The following MAGOHB variants were observed in gnomAD, a reference collection of about 807,000 sequenced individuals.
The protein encoded by MAGOHB is mago homolog B, exon junction complex subunit.
MAGOHB carries 15 observed loss-of-function variants against 20.9 expected under a neutral mutation model. That is an observed-to-expected ratio of 0.72 (90% CI 0.48 to 1.11). The LOEUF (loss-of-function observed/expected upper bound fraction) is 1.11, where lower values mean the gene tolerates loss of function less well. Among genes scored for constraint, MAGOHB ranks in the 50% least tolerant of loss-of-function variants. The pLI is 0.00. For missense variants in MAGOHB, 162 were observed against 177.6 expected, an observed-to-expected ratio of 0.91 and a Z score of 0.50; for synonymous variants, 50 against 57.9, an observed-to-expected ratio of 0.86 and a Z score of 0.62.
At position 10,605,008 on chromosome 12, in the gene MAGOHB, A is replaced by T. The variant is rs1324128263; in HGVS notation, c.*1267T>A. 6.6e-6 allele frequency: 1 copy of T among 152,362 alleles called. No homozygotes were observed. The highest frequency in any genetic ancestry group is 1.5e-5 in the Non-Finnish European group (1 of 68,030). 9.4% of individuals were successfully genotyped at this position (152,362 alleles called of 1,614,324 possible). ...TACACCAGTTAAGTGAAAAACCAAGATTTATTATAATAGAGATATTACAGT... is the reference window on the plus strand; with the variant it reads ...TACACCAGTTAAGTGAAAAACCAAGTTTTATTATAATAGAGATATTACAGT... On this transcript the variant is annotated 3_prime_UTR_variant, in exon 5 of 5. Coordinates refer to ENST00000320756, the MANE Select transcript of MAGOHB (RefSeq NM_018048.5).
At chr12:10,603,981 T>C (rs1254896463), downstream of MAGOHB, among the ~76,000 whole-genome samples, 1 of 152,130 alleles carries the variant, frequency 6.6e-6, no homozygotes, top group Non-Finnish European at 1.5e-5. Context: ...ACATTAAAAA[T>C]ATCCATACAA....
chr12:10,613,496 C>A lies in MAGOHB; in HGVS notation c.37G>T (p.Val13Leu). The A allele has an allele frequency of 6.2e-7, 1 of 1,614,144 alleles. No individual in the cohort carries two copies. Among genetic ancestry groups the A allele is most frequent in the Non-Finnish European group, 8.5e-7 (1 of 1,180,026 alleles). ...TGCCCAAACTTGCCCTTGTGCCCTA[C>A]GTAGTAGCGCAGGTAGAAATCGCTA... ...VASDFYLRYY[V>L]GHKGKFGHEF... Residue 13 changes from valine (V) to leucine (L), a missense_variant, in exon 1 of 5, where the codon GTA (valine) becomes TTA (leucine). Physicochemically the swap from Val to Leu is conservative, Grantham distance 32. Transcript: ENST00000320756.
intron 3 of MAGOHB, chr12:10,609,390 G>C (rs770654906): frequency 1.1e-5 from 5 of 445,106 alleles, no homozygotes; most frequent in South Asian, 8.0e-5. Flanking sequence ...TATTCTGAAG[G>C]AATATGAGAG....
rs1565551685 is a variant in MAGOHB at position 10,609,933 on chromosome 12, C to T, written c.162G>A (p.Val54=). 2.5e-6 allele frequency: 4 copies of T among 1,582,136 alleles called. No individual in the cohort carries two copies. The highest frequency in any genetic ancestry group is 2.6e-6 in the Non-Finnish European group (3 of 1,159,016). The change falls in exon 3 of 5, where the codon GTG becomes GTA. Residue 54 remains valine (V), a synonymous_variant. Coordinates refer to ENST00000320756, the MANE Select transcript of MAGOHB (RefSeq NM_018048.5). ...TCAGTTCTTCCATTACACTCTTGTGCACATAAGCCTAAAAATTAATCATAA... is the reference window on the plus strand; with the variant it reads ...TCAGTTCTTCCATTACACTCTTGTGTACATAAGCCTAAAAATTAATCATAA... ...NDVMIRKEAY[V]HKSVMEELKR... is the part of the protein sequence containing the mutation.
In MAGOHB at chr12:10,612,570, T is replaced by G. The variant is rs73261989; in HGVS notation, c.94+869A>C. The G allele has an allele frequency of 4.1e-3, 2,858 of 689,436 alleles. 76 individuals are homozygous for G. The African/African-American group carries it at 0.052, about 12-fold the overall frequency. The allele number at this position is 689,436 out of a possible 1,614,324, so 42.7% of individuals were successfully genotyped here. On this transcript the variant is annotated intron_variant, in intron 1 of 4. Transcript: ENST00000320756. ...AGGACTTAATATGCATACTGCTTTA[T>G]AGTTAAATGTCTGTGCCTCCCACCA...
intron 1 of MAGOHB, among the ~76,000 whole-genome samples, chr12:10,613,226 T>C (rs1469617173): frequency 6.6e-6 from 1 of 152,226 alleles, no homozygotes. Context: ...CTGATTACTG[T>C]AGGTTCAACT....
chr12:10,611,131 G>T (rs1865726790), intron 1 of MAGOHB, among the ~76,000 whole-genome samples: 1 of 152,062 alleles, frequency 6.6e-6, no homozygotes, highest in African/African-American at 2.4e-5. Context: ...CTTAACCAGG[G>T]TCACACAAGA....
chr12:10,603,336 A>G (rs1199647999), downstream of MAGOHB, among the ~76,000 whole-genome samples: 1 of 139,716 alleles, frequency 7.2e-6, no homozygotes, highest in Non-Finnish European at 1.6e-5. Flanking sequence ...AAAAAAAAAA[A>G]TCTCTAGCTT....
Position 10,604,351 on chromosome 12 carries a change from G to C in MAGOHB, c.*1924C>G, listed in dbSNP as rs1015790147. ...ACAATCAAATAAAAGACAGATCAAAGTATAAGAAAATTGTAGACGGTAATA... is the reference window on the plus strand; with the variant it reads ...ACAATCAAATAAAAGACAGATCAAACTATAAGAAAATTGTAGACGGTAATA... On this transcript the variant is annotated 3_prime_UTR_variant, in exon 5 of 5. Transcript: ENST00000320756. The C allele has an allele frequency of 6.6e-6, 1 of 152,184 alleles. No homozygotes were observed. The highest frequency in any genetic ancestry group is 2.4e-5 in the African/African-American group (1 of 41,444). 9.4% of individuals were successfully genotyped at this position (152,184 alleles called of 1,614,324 possible).
chr12:10,600,006 A>G (rs192167021), downstream of MAGOHB, among the ~76,000 whole-genome samples: 3,598 of 152,096 alleles, frequency 0.024, 128 homozygotes, highest in African/African-American at 0.082. Context: ...CTTAGTTTAA[A>G]TAACAGTCTC....
At chr12:10,608,336 A>C (rs1395765147) in intron 3 of MAGOHB, 2 of 158,892 alleles carry the variant, frequency 1.3e-5, no homozygotes, top group African/African-American at 4.8e-5. Context: ...AGATTCTACA[A>C]ATAAAATGTG....
Position 10,610,601 on chromosome 12 carries a change from AGACATTCAC to A in MAGOHB, c.153+12_153+20del, listed in dbSNP as rs2120530853. The A allele has an allele frequency of 7.4e-7, 1 of 1,354,536 alleles. No homozygotes were observed. Among genetic ancestry groups the A allele is most frequent in the Non-Finnish European group, 9.7e-7 (1 of 1,033,332 alleles). The allele number at this position is 1,354,536 out of a possible 1,614,324, so 83.9% of individuals were successfully genotyped here. A position where few individuals can be genotyped will look rare whatever the true frequency, so the allele number is the denominator to read the frequency against. ...GCAAAAAAAAAAAAAAAAAAAAAAA[AGACATTCAC>A]ATAGAACTTACCTCTTTTCTGATCA... On this transcript the variant is annotated intron_variant, in intron 2 of 4. Coordinates refer to ENST00000320756, the MANE Select transcript of MAGOHB (RefSeq NM_018048.5).
At chr12:10,613,398 C>G in intron 1 of MAGOHB, 41 bp downstream of exon 1, 1 of 1,575,210 alleles carries the variant, frequency 6.3e-7, no homozygotes, top group Non-Finnish European at 8.7e-7. Context: ...CTCGGTCTCG[C>G]TCCCCTTTCC....
intron 1 of MAGOHB, chr12:10,612,704 T>C: frequency 6.9e-6 from 8 of 1,157,202 alleles, no homozygotes; most frequent in Non-Finnish European, 7.6e-6. Flanking sequence ...CCAAAAAATA[T>C]ATATCCAAAT....
rs1032199473 is a variant in MAGOHB at position 10,605,015 on chromosome 12, A to G, written c.*1260T>C. On this transcript the variant is annotated 3_prime_UTR_variant, in exon 5 of 5. Transcript: ENST00000320756. ...GTTAAGTGAAAAACCAAGATTTATT[A>G]TAATAGAGATATTACAGTAAAAAAG... 1 of 152,254 alleles carries G rather than the reference A, an allele frequency of 6.6e-6. No individual in the cohort carries two copies. The highest frequency in any genetic ancestry group is 1.5e-5 in the Non-Finnish European group (1 of 68,044). The allele number at this position is 152,254 out of a possible 1,614,324, so 9.4% of individuals were successfully genotyped here. A position where few individuals can be genotyped will look rare whatever the true frequency, so the allele number is the denominator to read the frequency against.
At chr12:10,607,546 A>T (rs1404206308) in intron 4 of MAGOHB, among the ~76,000 whole-genome samples, 2 of 152,214 alleles carry the variant, frequency 1.3e-5, no homozygotes, top group Middle Eastern at 3.2e-3. Context: ...ACATAATCCA[A>T]TAAGGATTTC....
At position 10,605,476 on chromosome 12, in the gene MAGOHB, T is replaced by C. The variant is rs1865609454; in HGVS notation, c.*799A>G. On this transcript the variant is annotated 3_prime_UTR_variant, in exon 5 of 5. Coordinates refer to ENST00000320756, the MANE Select transcript of MAGOHB (RefSeq NM_018048.5). Reference sequence around the variant, plus strand: ...ACTAAAAGTAATGAAAGAGGAAATCTATCAGAAAGAGGTTGAAAGGAACTG... The same window carrying C: ...ACTAAAAGTAATGAAAGAGGAAATCCATCAGAAAGAGGTTGAAAGGAACTG... The C allele has an allele frequency of 6.6e-6, 1 of 152,184 alleles. No individual in the cohort carries two copies. Among genetic ancestry groups the C allele is most frequent in the Non-Finnish European group, 1.5e-5 (1 of 68,030 alleles). 9.4% of individuals were successfully genotyped at this position (152,184 alleles called of 1,614,324 possible). A position where few individuals can be genotyped will look rare whatever the true frequency, so the allele number is the denominator to read the frequency against.
intron 1 of MAGOHB, chr12:10,612,868 A>G (rs774104967): frequency 4.4e-5 from 57 of 1,288,994 alleles, no homozygotes; most frequent in Non-Finnish European, 5.2e-5. Flanking sequence ...TCAAAGGCCA[A>G]GTCTCTCATT....
At chr12:10,610,204 A>G (rs1342519153) in intron 2 of MAGOHB, among the ~76,000 whole-genome samples, 1 of 152,088 alleles carries the variant, frequency 6.6e-6, no homozygotes, top group African/African-American at 2.4e-5. Context: ...CAACACTGAG[A>G]TCCAAATACC....
Sources: gnomAD v4.1 joint callset for allele counts (sites outside exome capture counted in the v4.1 genomes callset) on GRCh38, gnomAD v4.1.1 for gene constraint, MANE v1.5 for transcripts, NCBI Gene and HGNC (gene_info 2026-07-23, HGNC 2026-07-21) for gene names.